CREB3L2: variants seen among roughly 807,000 people sequenced by gnomAD.
CREB3L2 encodes cyclic AMP-responsive element-binding protein 3-like protein 2.
Under a neutral mutation model 57.2 loss-of-function variants are expected in CREB3L2, and 23 were observed. The observed-to-expected ratio is 0.40, with a 90% CI of 0.29 to 0.57. The LOEUF (loss-of-function observed/expected upper bound fraction) is 0.57, where lower values mean the gene tolerates loss of function less well. Ranked by LOEUF, CREB3L2 falls within the 20% of genes least tolerant of loss-of-function variation. The pLI is 0.42. For synonymous variants in CREB3L2, 268 were observed against 265.1 expected (o/e 1.01, Z -0.11); for missense variants, 628 against 634.7 (o/e 0.99, Z 0.11).
intron 1 of CREB3L2, among the ~76,000 whole-genome samples, chr7:137,986,943 G>A (rs1003285204): frequency 6.6e-6 from 1 of 152,156 alleles, no homozygotes; most frequent in South Asian, 2.1e-4. Context: ...GCCCAAGGGC[G>A]ACCCCACTGC....
intron 1 of CREB3L2, among the ~76,000 whole-genome samples, chr7:137,938,746 C>T (rs928736564): frequency 6.6e-6 from 1 of 152,086 alleles, no homozygotes; most frequent in Non-Finnish European, 1.5e-5. Flanking sequence ...CATACTAATT[C>T]CTTTTAAACT....
At chr7:137,908,895 G>C (rs551786609) in intron 4 of CREB3L2, among the ~76,000 whole-genome samples, 99 of 152,244 alleles carry the variant, frequency 6.5e-4, no homozygotes, top group Non-Finnish European at 1.2e-4. Context: ...AGAATCGCTT[G>C]AACCCAGGAG....
At chr7:137,900,938 G>A (rs1799740788) in intron 8 of CREB3L2, among the ~76,000 whole-genome samples, 1 of 152,104 alleles carries the variant, frequency 6.6e-6, no homozygotes, top group South Asian at 2.1e-4. Context: ...TCATTTTCAG[G>A]AGAATCAGGC....
intron 1 of CREB3L2, among the ~76,000 whole-genome samples, chr7:137,939,747 T>C (rs1353331456): frequency 6.6e-6 from 1 of 152,172 alleles, no homozygotes; most frequent in Non-Finnish European, 1.5e-5. Context: ...GCAGCTGCCA[T>C]CAGGACCACC....
intron 1 of CREB3L2, among the ~76,000 whole-genome samples, chr7:137,959,099 G>A (rs73729528): frequency 6.6e-6 from 1 of 152,198 alleles, no homozygotes; most frequent in South Asian, 2.1e-4. Flanking sequence ...GGACTGTAGA[G>A]TCCCCACCTA....
chr7:137,928,351 G>T lies in CREB3L2; in HGVS notation c.118C>A (p.Leu40Met), dbSNP rs779569850. 1.9e-6 allele frequency: 3 copies of T among 1,613,818 alleles called. No homozygotes were observed. The highest frequency in any genetic ancestry group is 2.5e-6 in the Non-Finnish European group (3 of 1,179,838). Residue 40 changes from leucine to methionine, a missense_variant, in exon 2 of 12, where the codon CTG becomes ATG. By Grantham distance (15) the Leu-to-Met change is conservative. This residue lies in a region of CREB3L2 where 339 missense variants were observed against 355.4 expected (regional missense o/e 0.95). Coordinates refer to ENST00000330387, the MANE Select transcript of CREB3L2 (RefSeq NM_194071.4). Reference sequence around the variant, plus strand: ...AAGACGTTCTGGGAAAACTCATCCAGAAGTTCTGAGAAGTGCTACAAGAAA... The same window carrying T: ...AAGACGTTCTGGGAAAACTCATCCATAAGTTCTGAGAAGTGCTACAAGAAA... The part of the protein sequence containing the change: ...LMYHTHFSEL[L>M]DEFSQNVLGQ...
Position 137,901,421 on chromosome 7 carries a change from C to T in CREB3L2, c.976G>A (p.Val326Met). ...KEYMDSLEKK[V>M]ESCSTENLEL... Reference sequence around the variant, plus strand: ...AAGTTCTCAGTTGAACAAGACTCCACTCTACAAAGGAGGGAGAAAGAAGAA... The same window carrying T: ...AAGTTCTCAGTTGAACAAGACTCCATTCTACAAAGGAGGGAGAAAGAAGAA... The change falls in exon 8 of 12, where the codon GTG becomes ATG. Residue 326 changes from valine (V) to methionine (M), a missense_variant and splice_region_variant. By Grantham distance (21) the Val-to-Met change is conservative. Transcript: ENST00000330387. 1 of 1,599,692 alleles carries T rather than the reference C, an allele frequency of 6.3e-7. No homozygotes were observed. Among genetic ancestry groups the T allele is most frequent in the Middle Eastern group, 1.7e-4 (1 of 6,048 alleles).
At chr7:137,942,129 C>T (rs532048324) in intron 1 of CREB3L2, among the ~76,000 whole-genome samples, 1 of 152,334 alleles carries the variant, frequency 6.6e-6, no homozygotes, top group African/African-American at 2.4e-5. Context: ...ACTGTGCTCA[C>T]ATCCATAAGC....
At chr7:137,962,294 T>C (rs1310939055) in intron 1 of CREB3L2, among the ~76,000 whole-genome samples, 1 of 152,134 alleles carries the variant, frequency 6.6e-6, no homozygotes, top group East Asian at 1.9e-4. Context: ...TTGGAACTGT[T>C]CCCTTAAAGC....
At chr7:137,953,747 G>A (rs1314755215) in intron 1 of CREB3L2, among the ~76,000 whole-genome samples, 1 of 152,142 alleles carries the variant, frequency 6.6e-6, no homozygotes, top group East Asian at 1.9e-4. Context: ...TTTTCATGAT[G>A]GTTTCTAGGC....
At chr7:137,902,194 C>CCAAAAAAA (rs1491340236) in intron 7 of CREB3L2, among the ~76,000 whole-genome samples, 10 of 84,926 alleles carry the variant, frequency 1.2e-4, no homozygotes, top group African/African-American at 3.6e-4. Flanking sequence ...ACTCTGTCTC[C>CCAAAAAAA]AAAAAAAAAA....
chr7:137,942,034 T>C (rs1039896268), intron 1 of CREB3L2, among the ~76,000 whole-genome samples: 13 of 152,296 alleles, frequency 8.5e-5, no homozygotes, highest in African/African-American at 3.1e-4. Flanking sequence ...GATCTTCCTT[T>C]CCCCTTTTTG....
rs537903546 is a variant in CREB3L2, at chr7:137,989,016, G to A, written c.102+12588C>T. ...AAAGAAAGAAAAAAGAAAAGAAAGA[G>A]AGAAAGAAAGAACCCTCATAAAACT... On this transcript the variant is annotated intron_variant, in intron 1 of 11. Coordinates refer to ENST00000330387, the MANE Select transcript of CREB3L2 (RefSeq NM_194071.4). Among the ~76,000 whole-genome samples, 174 of 152,200 alleles carry A rather than the reference G, an allele frequency of 1.1e-3. 1 individual carries two copies. The highest frequency in any genetic ancestry group is 3.9e-3 in the African/African-American group (163 of 41,526).
intron 1 of CREB3L2, among the ~76,000 whole-genome samples, chr7:137,990,654 A>G (rs1300498402): frequency 6.6e-6 from 1 of 152,188 alleles, no homozygotes; most frequent in Non-Finnish European, 1.5e-5. Context: ...TTAAAACTCT[A>G]TGATTGGTAA....
intron 6 of CREB3L2, 90 bp downstream of exon 6, chr7:137,905,612 T>C (rs1585610934): frequency 5.1e-6 from 7 of 1,362,540 alleles, no homozygotes; most frequent in African/African-American, 4.3e-5. Flanking sequence ...TGGGATGGGG[T>C]AGTGCTGGCC....
In CREB3L2 at chr7:138,001,123, ACACG is replaced by A. The variant is rs1351133057; in HGVS notation, c.102+477_102+480del. ...CACACACACACACACACACACACAC[ACACG>A]TGTACTTTTTAAAATATAAATATGA... On this transcript the variant is annotated intron_variant, in intron 1 of 11. Coordinates refer to ENST00000330387, the MANE Select transcript of CREB3L2 (RefSeq NM_194071.4). This position sits in a 1 kb window ranked among gnomAD's most constrained non-coding sequence, Gnocchi z 4.2. 6.8e-6 allele frequency among the ~76,000 whole-genome samples: 1 copy of A among 147,982 alleles called. No individual in the cohort carries two copies. Among genetic ancestry groups the A allele is most frequent in the Non-Finnish European group, 1.5e-5 (1 of 67,350 alleles).
At position 137,879,315 on chromosome 7, in the gene CREB3L2, G is replaced by A. The variant is rs1799233227; in HGVS notation, c.*1161C>T. 7.6e-6 allele frequency: 4 copies of A among 523,348 alleles called. No homozygotes were observed. Among genetic ancestry groups the A allele is most frequent in the South Asian group, 6.5e-5 (4 of 61,460 alleles). 32.4% of individuals were successfully genotyped at this position (523,348 alleles called of 1,614,324 possible). A position where few individuals can be genotyped will look rare whatever the true frequency, so the allele number is the denominator to read the frequency against. ...CCCACCCTGCTTTGTTGAGGTAGGGGACGAGGAGGACAAAGTGGAAGTGTG... is the reference window on the plus strand; with the variant it reads ...CCCACCCTGCTTTGTTGAGGTAGGGAACGAGGAGGACAAAGTGGAAGTGTG... On this transcript the variant is annotated 3_prime_UTR_variant, in exon 12 of 12. Coordinates refer to ENST00000330387, the MANE Select transcript of CREB3L2 (RefSeq NM_194071.4).
intron 8 of CREB3L2, among the ~76,000 whole-genome samples, chr7:137,889,496 T>G (rs1799492044): frequency 6.6e-6 from 1 of 152,236 alleles, no homozygotes; most frequent in African/African-American, 2.4e-5. Flanking sequence ...TTCTAACAGT[T>G]TATAATCTAA....
rs371177370 is a variant in CREB3L2 at position 137,954,585 on chromosome 7, T to C, written c.103-26219A>G. 4.3e-4 allele frequency among the ~76,000 whole-genome samples: 66 copies of C among 152,270 alleles called. 1 individual carries two copies. The highest frequency in any genetic ancestry group is 3.4e-3 in the Middle Eastern group (1 of 294). ...AGGCAGCTTATGCTTGCGTCCAAAC[T>C]ACCCTAGGAGCACTCCTATTTTTTA... is the stretch of plus-strand genomic sequence containing the variant. On this transcript the variant is annotated intron_variant, in intron 1 of 11. Transcript: ENST00000330387.
Sources: gnomAD v4.1 joint callset for allele counts (sites outside exome capture counted in the v4.1 genomes callset) on GRCh38, gnomAD v4.1.1 for gene constraint, gnomAD v4.1.1 regional missense constraint, Gnocchi (gnomAD v3.1) non-coding constraint, MANE v1.5 for transcripts, NCBI Gene and HGNC (gene_info 2026-07-23, HGNC 2026-07-21) for gene names.